COL9A1: variants seen among roughly 807,000 people sequenced by gnomAD.
The protein encoded by COL9A1 is collagen alpha-1(IX) chain.
Under a neutral mutation model 142.6 loss-of-function variants are expected in COL9A1, and 104 were observed. That is an observed-to-expected ratio of 0.73 (90% CI 0.62 to 0.86). The LOEUF (loss-of-function observed/expected upper bound fraction) is 0.86, where lower values mean the gene tolerates loss of function less well. Among genes scored for constraint, COL9A1 ranks in the 40% least tolerant of loss-of-function variants. COL9A1 has a pLI of 0.00. For missense variants in COL9A1, 1,210 were observed against 1,176.6 expected, an observed-to-expected ratio of 1.03 and a Z score of -0.42; for synonymous variants, 466 against 396.0, an observed-to-expected ratio of 1.18 and a Z score of -2.10.
chr6:70,282,681 A>G (rs1773237989), intron 7 of COL9A1, among the ~76,000 whole-genome samples: 1 of 152,148 alleles, frequency 6.6e-6, no homozygotes, highest in Non-Finnish European at 1.5e-5. Flanking sequence ...AGTAGGGAGG[A>G]CCCAGATTGG....
In COL9A1 at chr6:70,299,982, G is replaced by C. The variant is rs187109113; in HGVS notation, c.299+61C>G. The C allele has an allele frequency of 8.2e-5, 121 of 1,468,886 alleles. 3 individuals carry two copies. Among genetic ancestry groups the C allele is most frequent in the Admixed American group, 3.7e-4 (22 of 59,210 alleles). 91.0% of individuals were successfully genotyped at this position (1,468,886 alleles called of 1,614,324 possible). On this transcript the variant is annotated intron_variant, in intron 4 of 37. Transcript: ENST00000357250. ...CATAAGAAAACTCTAACATTGGATA[G>C]CTATCCATTTTTAATGCATTTGAGT...
chr6:70,241,058 T>C (rs1481324958), intron 31 of COL9A1, among the ~76,000 whole-genome samples: 2 of 152,180 alleles, frequency 1.3e-5, no homozygotes, highest in Admixed American at 6.5e-5. Context: ...GTCTAATTCA[T>C]ATAAACAGTT....
intron 29 of COL9A1, 145 bp downstream of exon 29, chr6:70,242,517 T>A: frequency 1.3e-6 from 1 of 793,080 alleles, no homozygotes; most frequent in South Asian, 1.5e-5. Flanking sequence ...TAATTTGAAA[T>A]TTCCCCTTTA....
At chr6:70,270,688 T>G (rs1211056669) in intron 14 of COL9A1, among the ~76,000 whole-genome samples, 1 of 152,236 alleles carries the variant, frequency 6.6e-6, no homozygotes, top group African/African-American at 2.4e-5. Context: ...TTTTTCTGGT[T>G]GATTTACAGA....
rs764914222 is a variant in COL9A1 at position 70,216,956 on chromosome 6, G to A, written c.2707C>T (p.Pro903Ser). The A allele has an allele frequency of 6.2e-7, 1 of 1,614,140 alleles. No homozygotes were observed. The highest frequency in any genetic ancestry group is 1.1e-5 in the South Asian group (1 of 91,076). The change falls in exon 38 of 38, where the codon CCA becomes TCA. Residue 903 changes from proline (P) to serine (S), a missense_variant. Coordinates refer to ENST00000357250, the MANE Select transcript of COL9A1 (RefSeq NM_001851.6). Reference sequence around the variant, plus strand: ...CCAGCCTGCATGGTGCAGGAGGCTGGCTCACAGAAACCGGGAAGCCCAGGA... The same window carrying A: ...CCAGCCTGCATGGTGCAGGAGGCTGACTCACAGAAACCGGGAAGCCCAGGA... ...GPPGLPGFCE[P>S]ASCTMQAGQR...
rs758938646 is a variant in COL9A1 at position 70,240,741 on chromosome 6, T to G, written c.2035-8A>C. On this transcript the variant is annotated splice_polypyrimidine_tract_variant and splice_region_variant and intron_variant, in intron 31 of 37. Transcript: ENST00000357250. ...TTCTTCACCAGAGGCACCCTAAAAATTAAGATAAAAGGTTACATTTTAAAA... is the reference window on the plus strand; with the variant it reads ...TTCTTCACCAGAGGCACCCTAAAAAGTAAGATAAAAGGTTACATTTTAAAA... 2 of 1,610,984 alleles carry G rather than the reference T, an allele frequency of 1.2e-6. No homozygotes were observed. Among genetic ancestry groups the G allele is most frequent in the South Asian group, 2.2e-5 (2 of 90,972 alleles).
In COL9A1 at chr6:70,232,678, G is replaced by C; in HGVS notation, c.2408C>G (p.Pro803Arg). The C allele has an allele frequency of 6.2e-7, 1 of 1,614,038 alleles. No homozygotes were observed. Among genetic ancestry groups the C allele is most frequent in the South Asian group, 1.1e-5 (1 of 91,076 alleles). ...GCCTGGGAAACCATTCTCTCCAGGA[G>C]GGCCGGGGGGACCAGGAGGGCCAGG... is the stretch of plus-strand genomic sequence containing the variant. ...GRPGPPGPPGPPGENGFPGQM... is the reference protein window; with the variant it reads ...GRPGPPGPPGRPGENGFPGQM... The change falls in exon 36 of 38, where the codon CCT becomes CGT. Residue 803 changes from proline to arginine, a missense_variant. Transcript: ENST00000357250.
rs73745359 is a variant in COL9A1 at position 70,281,486 on chromosome 6, G to A, written c.802-22C>T. On this transcript the variant is annotated intron_variant, in intron 7 of 37. Coordinates refer to ENST00000357250, the MANE Select transcript of COL9A1 (RefSeq NM_001851.6). ...CTCTCTGGCAAAAATAGCAGACATA[G>A]GTTAGTGGAGCACATCGGGCAACAG... 2.3e-3 allele frequency: 3,694 copies of A among 1,600,134 alleles called. 62 individuals carry two copies. The African/African-American group carries it at 0.041, about 18-fold the overall frequency.
chr6:70,242,585 T>C (rs902675354), intron 29 of COL9A1, 77 bp downstream of exon 29: 1 of 1,251,384 alleles, frequency 8.0e-7, no homozygotes, highest in Non-Finnish European at 1.2e-6. Context: ...CAATTGTAAA[T>C]TGTTTTCTCC....
chr6:70,299,904 G>A, intron 4 of COL9A1, 139 bp downstream of exon 4: 1 of 788,964 alleles, frequency 1.3e-6, no homozygotes, highest in Non-Finnish European at 2.1e-6. Flanking sequence ...AAGATAGGCA[G>A]GTAAATAAAT....
chr6:70,280,749 C>G, intron 10 of COL9A1, 63 bp downstream of exon 10: 1 of 1,529,132 alleles, frequency 6.5e-7, no homozygotes, highest in Non-Finnish European at 8.9e-7. Context: ...CCACAAAACA[C>G]ACACTTACTC....
chr6:70,295,705 G>T (rs1300509636), intron 4 of COL9A1, among the ~76,000 whole-genome samples: 1 of 152,152 alleles, frequency 6.6e-6, no homozygotes, highest in Non-Finnish European at 1.5e-5. Flanking sequence ...CAGAGACTGT[G>T]GTCTGGAGCT....
intron 5 of COL9A1, among the ~76,000 whole-genome samples, chr6:70,291,020 T>C (rs1773639994): frequency 6.6e-6 from 1 of 152,126 alleles, no homozygotes; most frequent in Non-Finnish European, 1.5e-5. Context: ...TCACTACCCA[T>C]CACTCTCTAA....
At chr6:70,238,027 T>C (rs74630657) in intron 33 of COL9A1, among the ~76,000 whole-genome samples, 7,278 of 152,328 alleles carry the variant, frequency 0.048, 245 homozygotes, top group Non-Finnish European at 0.075. Flanking sequence ...ATGTAGGAGA[T>C]GAGGTTCGTG....
intron 11 of COL9A1, among the ~76,000 whole-genome samples, chr6:70,274,390 G>A (rs1041890903): frequency 6.6e-6 from 1 of 152,002 alleles, no homozygotes; most frequent in Non-Finnish European, 1.5e-5. Flanking sequence ...AGGCCCCTGT[G>A]TGTGTTGTTC....
At chr6:70,290,636 C>CTA (rs991449777) in intron 5 of COL9A1, among the ~76,000 whole-genome samples, 2 of 121,280 alleles carry the variant, frequency 1.6e-5, no homozygotes, top group African/African-American at 8.0e-5. Context: ...ATATAAGTGA[C>CTA]TCTTAGCATC....
intron 28 of COL9A1, among the ~76,000 whole-genome samples, chr6:70,249,232 ATACAGTG>A (rs1770784115): frequency 6.6e-6 from 1 of 150,406 alleles, no homozygotes; most frequent in Non-Finnish European, 1.5e-5. Flanking sequence ...GGAAATACCA[ATACAGTG>A]GTGTGTGCAG....
At chr6:70,257,135 A>G (rs1771367146) in intron 20 of COL9A1, among the ~76,000 whole-genome samples, 1 of 136,426 alleles carries the variant, frequency 7.3e-6, no homozygotes, top group South Asian at 2.2e-4. Context: ...ATCTTGGCTC[A>G]CTGCAACCTC....
chr6:70,223,490 T>G (rs1769019919), intron 37 of COL9A1, among the ~76,000 whole-genome samples: 1 of 152,200 alleles, frequency 6.6e-6, no homozygotes, highest in Non-Finnish European at 1.5e-5. Flanking sequence ...GATGTCTGAA[T>G]TGTAGATGCC....
Sources: allele counts gnomAD v4.1 joint callset (sites outside exome capture counted in the v4.1 genomes callset), GRCh38; gene constraint gnomAD v4.1.1; transcripts MANE v1.5; gene names NCBI Gene and HGNC (gene_info 2026-07-23, HGNC 2026-07-21).